COL4A2: variants seen among roughly 807,000 people sequenced by gnomAD.
COL4A2 encodes collagen type IV alpha 2 chain, also known as collagen alpha-2(IV) chain.
A neutral mutation model predicts 200.2 loss-of-function variants in COL4A2; 99 were observed. The observed-to-expected ratio is 0.49, with a 90% CI of 0.42 to 0.58. The LOEUF (loss-of-function observed/expected upper bound fraction) is 0.58, where lower values mean the gene tolerates loss of function less well. Ranked by LOEUF, COL4A2 falls within the 20% of genes least tolerant of loss-of-function variation. COL4A2 has a pLI of 0.00. For synonymous variants in COL4A2, 897 were observed against 900.6 expected (o/e 1.00, Z 0.07); for missense variants, 1,950 against 2,314.1 (o/e 0.84, Z 3.23).
chr13:110,443,236 G>A (rs918574970), intron 16 of COL4A2, among the ~76,000 whole-genome samples: 8 of 152,278 alleles, frequency 5.3e-5, no homozygotes, highest in East Asian at 1.9e-4. Flanking sequence ...AGGCACATGC[G>A]TTCTATTTAG....
intron 19 of COL4A2, 151 bp from the exon 20 acceptor site, chr13:110,450,154 A>G: frequency 1.5e-6 from 1 of 660,674 alleles, no homozygotes; most frequent in Admixed American, 2.7e-5. Context: ...GAAAAAGGAT[A>G]ATGAACTATA....
chr13:110,499,768 T>A (rs1276967469), intron 40 of COL4A2, among the ~76,000 whole-genome samples: 1 of 152,232 alleles, frequency 6.6e-6, no homozygotes, highest in East Asian at 1.9e-4. Flanking sequence ...CTGACTCATG[T>A]TTGCTAAGTG....
At chr13:110,492,742 GC>G (rs1489942930) in intron 38 of COL4A2, among the ~76,000 whole-genome samples, 2 of 152,214 alleles carry the variant, frequency 1.3e-5, no homozygotes, top group Non-Finnish European at 2.9e-5. Context: ...TCAAGAAGAG[GC>G]ATGGGACATG....
At chr13:110,377,375 C>T (rs1322909667) in intron 4 of COL4A2, among the ~76,000 whole-genome samples, 1 of 152,212 alleles carries the variant, frequency 6.6e-6, no homozygotes, top group Non-Finnish European at 1.5e-5. Context: ...CCCCTCACTC[C>T]TGCCTGGTCA....
At chr13:110,397,969 A>G (rs947398285) in intron 4 of COL4A2, among the ~76,000 whole-genome samples, 2 of 152,232 alleles carry the variant, frequency 1.3e-5, no homozygotes, top group Non-Finnish European at 2.9e-5. Flanking sequence ...AGAAGAAGTC[A>G]TCTCTGCTGG....
At chr13:110,350,455 G>C (rs2139380407) in intron 3 of COL4A2, among the ~76,000 whole-genome samples, 1 of 152,296 alleles carries the variant, frequency 6.6e-6, no homozygotes, top group South Asian at 2.1e-4. Context: ...TGAGTCCTTA[G>C]GGCTCAGAGC....
chr13:110,326,659 C>T (rs1030184358), intron 3 of COL4A2, among the ~76,000 whole-genome samples: 3 of 152,300 alleles, frequency 2.0e-5, no homozygotes, highest in African/African-American at 4.8e-5. Flanking sequence ...AGAGGGGACA[C>T]GCTGGGCCCT....
intron 3 of COL4A2, among the ~76,000 whole-genome samples, chr13:110,336,770 G>A (rs929173749): frequency 1.3e-5 from 2 of 152,162 alleles, no homozygotes; most frequent in African/African-American, 2.4e-5. Flanking sequence ...TGACCCCAGG[G>A]CCTTATTCCT....
Position 110,504,225 on chromosome 13 carries a change from G to A in COL4A2, c.4363G>A (p.Glu1455Lys). ...TGCTGTTCCCGGCTTCCGGGGAGAT[G>A]AAGGACCCATAGGCCACCAGGGGCC... ...VSAVPGFRGD[E>K]GPIGHQGPIG... The change falls in exon 45 of 48, where the codon GAA becomes AAA. Residue 1455 changes from glutamate (E) to lysine (K), a missense_variant. Glu to Lys is a moderately conservative substitution (Grantham distance 56, BLOSUM62 1). Coordinates refer to ENST00000360467, the MANE Select transcript of COL4A2 (RefSeq NM_001846.4). 3.1e-6 allele frequency: 5 copies of A among 1,614,122 alleles called. No individual in the cohort carries two copies. The highest frequency in any genetic ancestry group is 4.2e-6 in the Non-Finnish European group (5 of 1,180,030).
At chr13:110,394,830 C>T (rs1417775434) in intron 4 of COL4A2, among the ~76,000 whole-genome samples, 1 of 152,200 alleles carries the variant, frequency 6.6e-6, no homozygotes, top group African/African-American at 2.4e-5. Flanking sequence ...GCTCTTTGCT[C>T]AGATCCCCTG....
chr13:110,325,011 C>T (rs1039928176), intron 3 of COL4A2, among the ~76,000 whole-genome samples: 4 of 152,248 alleles, frequency 2.6e-5, no homozygotes, highest in East Asian at 1.9e-4. Flanking sequence ...AGAGCACGTT[C>T]GACCCTTAGC....
At chr13:110,422,005 A>G (rs927285011) in intron 4 of COL4A2, among the ~76,000 whole-genome samples, 1 of 152,210 alleles carries the variant, frequency 6.6e-6, no homozygotes, top group African/African-American at 2.4e-5. Flanking sequence ...GACTGTATGA[A>G]ATAATCCCCC....
chr13:110,477,958 C>T (rs1882757809), intron 29 of COL4A2, 45 bp from the exon 30 acceptor site: 1 of 1,424,638 alleles, frequency 7.0e-7, no homozygotes, highest in Non-Finnish European at 9.3e-7. Context: ...CTGTGATGAA[C>T]AGTCCAGAGT....
At chr13:110,432,070 CA>C (rs1269612489) in intron 10 of COL4A2, among the ~76,000 whole-genome samples, 1 of 152,146 alleles carries the variant, frequency 6.6e-6, no homozygotes, top group Non-Finnish European at 1.5e-5. Context: ...TGGGTGAAGT[CA>C]AAAGCCCAAA....
Position 110,436,125 on chromosome 13 carries a change from G to A in COL4A2, c.727-144G>A, listed in dbSNP as rs781558004. 5 of 1,204,822 alleles carry A rather than the reference G, an allele frequency of 4.1e-6. No individual in the cohort carries two copies. In the African/African-American group the frequency reaches 6.0e-5, roughly 14 times the overall value. 74.6% of individuals were successfully genotyped at this position (1,204,822 alleles called of 1,614,324 possible). A position where few individuals can be genotyped will look rare whatever the true frequency, so the allele number is the denominator to read the frequency against. ...TACATTAGGATTACTCTATTTTGTG[G>A]TTATTATACTGTAAATAGGTATACA... On this transcript the variant is annotated intron_variant, in intron 12 of 47. Transcript: ENST00000360467.
intron 3 of COL4A2, among the ~76,000 whole-genome samples, chr13:110,322,558 C>A (rs1481899652): frequency 6.6e-6 from 1 of 152,138 alleles, no homozygotes; most frequent in Non-Finnish European, 1.5e-5. Flanking sequence ...ATGGGGAACC[C>A]CGGGAGGGGC....
chr13:110,473,932 C>A lies in COL4A2; in HGVS notation c.2425+782C>A, dbSNP rs149552303. Among the ~76,000 whole-genome samples the A allele has an allele frequency of 3.2e-3, 477 of 149,870 alleles. 2 individuals carry two copies. The highest frequency in any genetic ancestry group is 0.011 in the African/African-American group (447 of 40,636). ...TTGAGCCGAGGGGTTCAAAACCATC[C>A]TGGGCTACATAGGGAGACCCCATTT... is the stretch of plus-strand genomic sequence containing the variant. On this transcript the variant is annotated intron_variant, in intron 29 of 47. Coordinates refer to ENST00000360467, the MANE Select transcript of COL4A2 (RefSeq NM_001846.4).
chr13:110,343,148 C>CT, intron 3 of COL4A2, among the ~76,000 whole-genome samples: 1 of 152,280 alleles, frequency 6.6e-6, no homozygotes, highest in East Asian at 1.9e-4. Flanking sequence ...TGTGTGGTCT[C>CT]TGATTGTCCA....
intron 10 of COL4A2, among the ~76,000 whole-genome samples, chr13:110,431,345 T>G (rs1445074064): frequency 6.6e-6 from 1 of 152,138 alleles, no homozygotes; most frequent in Admixed American, 6.5e-5. Flanking sequence ...TGACAGATAC[T>G]GAGAAAAAAA....
Sources: allele counts gnomAD v4.1 joint callset (sites outside exome capture counted in the v4.1 genomes callset), GRCh38; gene constraint gnomAD v4.1.1; transcripts MANE v1.5; gene names NCBI Gene and HGNC (gene_info 2026-07-23, HGNC 2026-07-21).